Variants in CDH13 observed in about 807,000 individuals in gnomAD.
CDH13 encodes cadherin 13.
In CDH13, 24 loss-of-function variants were observed where a neutral mutation model predicts 63.8. The ratio of observed to expected loss-of-function variants is 0.38; its 90% CI spans 0.27 to 0.53. The LOEUF (loss-of-function observed/expected upper bound fraction) is 0.53, where lower values mean the gene tolerates loss of function less well. Among genes scored for constraint, CDH13 ranks in the 20% least tolerant of loss-of-function variants. The probability of loss-of-function intolerance (pLI) is 0.85; values close to 1 mark genes in which losing one functional copy is unlikely to be tolerated. For missense variants in CDH13, 1,049 were observed against 903.1 expected (o/e 1.16, Z -2.07); for synonymous variants, 503 against 355.3 (o/e 1.42, Z -4.67).
chr16:82,789,434 C>G (rs188137752), intron 1 of CDH13, among the ~76,000 whole-genome samples: 10 of 152,300 alleles, frequency 6.6e-5, no homozygotes, highest in Non-Finnish European at 2.9e-5. Context: ...CTCTGAATCA[C>G]ATCAAGGCGA....
intron 2 of CDH13, among the ~76,000 whole-genome samples, chr16:82,892,575 C>G (rs1252527767): frequency 1.3e-5 from 2 of 152,166 alleles, no homozygotes; most frequent in Non-Finnish European, 2.9e-5. Context: ...ACAGTTATTT[C>G]AATGTACAAA....
chr16:82,820,274 G>C (rs750122358), intron 1 of CDH13, among the ~76,000 whole-genome samples: 22 of 152,152 alleles, frequency 1.4e-4, no homozygotes, highest in Non-Finnish European at 2.9e-4. Flanking sequence ...CACACAATGG[G>C]TACTGAGTAC....
chr16:82,644,053 TG>T lies in CDH13; in HGVS notation c.45+16922del, dbSNP rs1304992413. The stretch of plus-strand genomic sequence containing the variant: ...TTTAAAAGTAGTAAGTGGTTTAGGA[TG>T]GGGGGTGGTATGGAGGTCGGGTGGG... On this transcript the variant is annotated intron_variant, in intron 1 of 13. Transcript: ENST00000567109. The surrounding 1 kb of genome is among the most constrained non-coding windows in gnomAD (Gnocchi z 5.7). Among the ~76,000 whole-genome samples the T allele has an allele frequency of 2.6e-5, 4 of 152,072 alleles. No individual in the cohort carries two copies. The highest frequency in any genetic ancestry group is 4.4e-5 in the Non-Finnish European group (3 of 68,014).
intron 10 of CDH13, among the ~76,000 whole-genome samples, chr16:83,693,801 T>C (rs1905118852): frequency 6.6e-6 from 1 of 152,208 alleles, no homozygotes; most frequent in Non-Finnish European, 1.5e-5. Flanking sequence ...TGTTCCTAGT[T>C]TGGGCATTGG....
At chr16:83,317,815 AG>A (rs368715161) in intron 5 of CDH13, among the ~76,000 whole-genome samples, 20 of 150,332 alleles carry the variant, frequency 1.3e-4, no homozygotes, top group African/African-American at 3.2e-4. Flanking sequence ...AAAAAAAAAA[AG>A]GAATCCAGTC....
chr16:83,434,750 G>A (rs2072234169), intron 6 of CDH13, among the ~76,000 whole-genome samples: 2 of 150,930 alleles, frequency 1.3e-5, no homozygotes, highest in Admixed American at 6.6e-5. Flanking sequence ...TGGTTCCTCT[G>A]CTGTCGCCCT....
chr16:83,283,582 C>G (rs972430234), intron 5 of CDH13, among the ~76,000 whole-genome samples: 2 of 152,182 alleles, frequency 1.3e-5, no homozygotes, highest in South Asian at 2.1e-4. Flanking sequence ...CAGGGCTAGA[C>G]TCCATCTCAG....
chr16:82,755,586 C>G (rs2034583114), intron 1 of CDH13, among the ~76,000 whole-genome samples: 1 of 152,164 alleles, frequency 6.6e-6, no homozygotes. Context: ...TTCCTATGTT[C>G]TCATTCTGGT....
At chr16:83,316,211 C>T (rs191408841) in intron 5 of CDH13, among the ~76,000 whole-genome samples, 3 of 152,180 alleles carry the variant, frequency 2.0e-5, no homozygotes, top group African/African-American at 4.8e-5. Context: ...TCACCTCCCA[C>T]GAGGTCCCTC....
intron 5 of CDH13, among the ~76,000 whole-genome samples, chr16:83,307,510 T>C (rs1212614348): frequency 6.6e-6 from 1 of 152,160 alleles, no homozygotes; most frequent in African/African-American, 2.4e-5. Flanking sequence ...CCTCACATTT[T>C]AAGGCAATTT....
intron 10 of CDH13, among the ~76,000 whole-genome samples, chr16:83,685,026 T>C (rs1382174572): frequency 6.6e-6 from 1 of 152,214 alleles, no homozygotes. Flanking sequence ...TGGTCTGTTA[T>C]GGTTGCTAGT....
At chr16:83,512,759 C>T (rs1002131750) in intron 7 of CDH13, among the ~76,000 whole-genome samples, 7 of 151,952 alleles carry the variant, frequency 4.6e-5, no homozygotes, top group African/African-American at 7.3e-5. Context: ...ACAGGGGCAC[C>T]GATCTAGACC....
intron 5 of CDH13, among the ~76,000 whole-genome samples, chr16:83,258,103 T>C (rs1906511899): frequency 6.6e-6 from 1 of 152,226 alleles, no homozygotes; most frequent in African/African-American, 2.4e-5. Flanking sequence ...TAAGCAAGTA[T>C]AAATTAGTGG....
chr16:83,030,671 G>C (rs372612008), intron 2 of CDH13, among the ~76,000 whole-genome samples: 5 of 129,882 alleles, frequency 3.8e-5, no homozygotes, highest in Non-Finnish European at 8.0e-5. Context: ...AAAGCACCCT[G>C]TGTGATTCTG....
At chr16:83,011,424 G>A (rs1042039474) in intron 2 of CDH13, among the ~76,000 whole-genome samples, 1 of 152,150 alleles carries the variant, frequency 6.6e-6, no homozygotes, top group Non-Finnish European at 1.5e-5. Context: ...AAGAAGGTGA[G>A]CCCTCAACTT....
intron 2 of CDH13, among the ~76,000 whole-genome samples, chr16:82,934,015 C>G (rs2042586438): frequency 6.6e-6 from 1 of 152,220 alleles, no homozygotes; most frequent in African/African-American, 2.4e-5. Flanking sequence ...GATCTACCAT[C>G]CTGGGGTCTG....
intron 6 of CDH13, among the ~76,000 whole-genome samples, chr16:83,441,635 C>G (rs2151495852): frequency 6.6e-6 from 1 of 152,174 alleles, no homozygotes; most frequent in East Asian, 1.9e-4. Flanking sequence ...CCAGCTCCTG[C>G]TTTTCCTGAT....
At chr16:82,631,018 C>T (rs1907942675) in intron 1 of CDH13, among the ~76,000 whole-genome samples, 2 of 152,238 alleles carry the variant, frequency 1.3e-5, no homozygotes, top group African/African-American at 4.8e-5. Flanking sequence ...TTGCCACAAT[C>T]ACCCCCAAAT....
At chr16:82,969,154 A>G (rs1165470672) in intron 2 of CDH13, among the ~76,000 whole-genome samples, 1 of 152,244 alleles carries the variant, frequency 6.6e-6, no homozygotes, top group Non-Finnish European at 1.5e-5. Flanking sequence ...AAAATGTGTT[A>G]GAATCGATAT....
Sources: gnomAD v4.1 joint callset for allele counts (sites outside exome capture counted in the v4.1 genomes callset) on GRCh38, gnomAD v4.1.1 for gene constraint, Gnocchi (gnomAD v3.1) non-coding constraint, MANE v1.5 for transcripts, NCBI Gene and HGNC (gene_info 2026-07-23, HGNC 2026-07-21) for gene names.